The following EPHX4 variants were observed in gnomAD, a reference collection of about 807,000 sequenced individuals.
EPHX4 encodes abhydrolase domain containing 7.
EPHX4 carries 31 observed loss-of-function variants against 44.9 expected under a neutral mutation model. The observed-to-expected ratio is 0.69, with a 90% confidence interval of 0.52 to 0.93. The LOEUF (loss-of-function observed/expected upper bound fraction) is 0.93. Among genes scored for constraint, EPHX4 ranks in the 40% least tolerant of loss-of-function variants. EPHX4 has a pLI of 0.00. For synonymous variants in EPHX4, 151 were observed against 159.7 expected (o/e 0.95, Z 0.41); for missense variants, 373 against 438.1 (o/e 0.85, Z 1.33).
intron 4 of EPHX4, among the ~76,000 whole-genome samples, 199 bp downstream of exon 4, chr1:92,045,859 T>G (rs1688574387): frequency 6.6e-6 from 1 of 152,246 alleles, no homozygotes; most frequent in South Asian, 2.1e-4. Flanking sequence ...AGCTTTATAC[T>G]TGCTTACATA....
chr1:92,046,630 A>C (rs1352953321), intron 4 of EPHX4, among the ~76,000 whole-genome samples: 1 of 151,916 alleles, frequency 6.6e-6, no homozygotes, highest in African/African-American at 2.4e-5. Flanking sequence ...TGCTTGGCTA[A>C]TTTTTGTATT....
chr1:92,051,953 G>A (rs1647268500), intron 5 of EPHX4, among the ~76,000 whole-genome samples: 1 of 152,074 alleles, frequency 6.6e-6, no homozygotes, highest in Admixed American at 6.6e-5. Flanking sequence ...CACAAGAATG[G>A]CAGGATATAT....
chr1:92,032,476 C>T (rs756924693), intron 1 of EPHX4, 29 bp from the exon 2 acceptor site: 6 of 1,540,386 alleles, frequency 3.9e-6, no homozygotes, highest in Non-Finnish European at 5.4e-6. Context: ...ACACAAACAT[C>T]ACTAAAATTC....
Position 92,030,186 on chromosome 1 carries a change from T to A in EPHX4, c.107T>A (p.Leu36Gln). ...TGCGGGCTCTGCGCCTCCATCCACC[T>A]GCTCAAACTTTTGTGGAGCCTCGGC... ...CYCGLCASIHLLKLLWSLGKG... is the reference protein window; with the variant it reads ...CYCGLCASIHQLKLLWSLGKG... Residue 36 changes from leucine to glutamine, a missense_variant, in exon 1 of 7, where the codon CTG becomes CAG. Transcript: ENST00000370383. 6.2e-7 allele frequency: 1 copy of A among 1,611,682 alleles called. No individual in the cohort carries two copies. Among genetic ancestry groups the A allele is most frequent in the Non-Finnish European group, 8.5e-7 (1 of 1,179,002 alleles).
intron 4 of EPHX4, among the ~76,000 whole-genome samples, chr1:92,049,158 C>T (rs759267640): frequency 6.6e-6 from 1 of 152,124 alleles, no homozygotes; most frequent in African/African-American, 2.4e-5. Flanking sequence ...TCTGACTCAT[C>T]ATATACCATC....
chr1:92,042,181 G>A (rs1370817503), intron 2 of EPHX4, among the ~76,000 whole-genome samples: 4 of 151,974 alleles, frequency 2.6e-5, no homozygotes, highest in African/African-American at 7.3e-5. Context: ...GCAACATAGT[G>A]AGACCCTGTT....
chr1:92,057,334 G>A (rs1647390788), intron 6 of EPHX4, among the ~76,000 whole-genome samples: 1 of 151,988 alleles, frequency 6.6e-6, no homozygotes, highest in Non-Finnish European at 1.5e-5. Context: ...AACAAAGTTA[G>A]GAACCAGAAA....
chr1:92,038,523 A>G (rs1017951181), intron 2 of EPHX4, among the ~76,000 whole-genome samples: 4 of 152,176 alleles, frequency 2.6e-5, no homozygotes, highest in Non-Finnish European at 4.4e-5. Context: ...ATTCTCATAG[A>G]CGACCCAGGA....
chr1:92,030,508 GAT>G (rs1557880320), intron 1 of EPHX4, among the ~76,000 whole-genome samples, 198 bp downstream of exon 1: 8 of 149,732 alleles, frequency 5.3e-5, no homozygotes, highest in South Asian at 2.1e-4. Flanking sequence ...GAGAGAGAGA[GAT>G]ACAGATAAAC....
intron 2 of EPHX4, among the ~76,000 whole-genome samples, chr1:92,042,258 G>A (rs1257985185): frequency 6.6e-6 from 1 of 152,100 alleles, no homozygotes; most frequent in Non-Finnish European, 1.5e-5. Context: ...CTGATACTAT[G>A]TAGTTTCTGT....
intron 1 of EPHX4, among the ~76,000 whole-genome samples, chr1:92,031,833 C>T (rs1230797747): frequency 1.3e-5 from 2 of 152,000 alleles, no homozygotes; most frequent in African/African-American, 4.8e-5. Flanking sequence ...GTTTTCTTGT[C>T]TCCTACATGC....
intron 3 of EPHX4, 83 bp downstream of exon 3, chr1:92,043,063 G>GAT: frequency 8.7e-7 from 1 of 1,152,760 alleles, no homozygotes; most frequent in Non-Finnish European, 1.2e-6. Flanking sequence ...TTTCTTGGGA[G>GAT]GATGCATATT....
At chr1:92,034,442 G>A (rs1275976697) in intron 2 of EPHX4, among the ~76,000 whole-genome samples, 1 of 151,852 alleles carries the variant, frequency 6.6e-6, no homozygotes, top group Admixed American at 6.6e-5. Flanking sequence ...TCCCTTAGTT[G>A]ACTCAAAGGT....
chr1:92,056,604 A>T (rs1037435278), intron 6 of EPHX4, among the ~76,000 whole-genome samples: 1 of 152,002 alleles, frequency 6.6e-6, no homozygotes, highest in African/African-American at 2.4e-5. Flanking sequence ...GAAAAATTTT[A>T]CAACTCTGCA....
chr1:92,053,476 A>G (rs1471340186), intron 6 of EPHX4, among the ~76,000 whole-genome samples: 1 of 152,186 alleles, frequency 6.6e-6, no homozygotes, highest in Non-Finnish European at 1.5e-5. Context: ...AACAACCTAC[A>G]TGTGTATTTG....
At chr1:92,042,723 T>TG (rs1351204866) in intron 2 of EPHX4, 100 bp from the exon 3 acceptor site, 6 of 711,820 alleles carry the variant, frequency 8.4e-6, no homozygotes, top group Non-Finnish European at 1.2e-5. Context: ...AAACTCTGTC[T>TG]CAAAAAAAAA....
intron 2 of EPHX4, among the ~76,000 whole-genome samples, chr1:92,040,282 C>A (rs193185549): frequency 6.8e-6 from 1 of 147,948 alleles, no homozygotes; most frequent in Non-Finnish European, 1.5e-5. Context: ...CTTAAGCCAT[C>A]GTCCCACCTC....
chr1:92,030,475 TGTGTGTGTGTGAGAGA>T (rs1182736578), intron 1 of EPHX4, among the ~76,000 whole-genome samples, 165 bp downstream of exon 1: 13 of 144,586 alleles, frequency 9.0e-5, no homozygotes, highest in African/African-American at 3.4e-4. Flanking sequence ...TGTGTGTGTG[TGTGTGTGTGTGAGAGA>T]GAGAGAGAGA....
At chr1:92,033,571 T>G (rs1688392012) in intron 2 of EPHX4, among the ~76,000 whole-genome samples, 2 of 152,078 alleles carry the variant, frequency 1.3e-5, no homozygotes, top group African/African-American at 4.8e-5. Context: ...ATGAACTATT[T>G]CCTATGCACA....
Sources: allele counts gnomAD v4.1 joint callset (sites outside exome capture counted in the v4.1 genomes callset), GRCh38; gene constraint gnomAD v4.1.1; transcripts MANE v1.5; gene names NCBI Gene and HGNC (gene_info 2026-07-23, HGNC 2026-07-21).